ANKS1B: variants seen among roughly 807,000 people sequenced by gnomAD.
ANKS1B encodes the protein ankyrin repeat and sterile alpha motif domain containing 1B.
In ANKS1B, 36 loss-of-function variants were observed where a neutral mutation model predicts 148.3. That is an observed-to-expected ratio of 0.24 (90% CI 0.19 to 0.32). The LOEUF is 0.32. Ranked by LOEUF, ANKS1B falls within the 10% of genes least tolerant of loss-of-function variation. The pLI, the probability that ANKS1B is intolerant of heterozygous loss-of-function variation, is 1.00. For synonymous variants in ANKS1B, 542 were observed against 560.8 expected (o/e 0.97, Z 0.47); for missense variants, 1,157 against 1,542.6 (o/e 0.75, Z 4.19).
At chr12:99,037,499 C>CAA (rs60767962) in intron 17 of ANKS1B, among the ~76,000 whole-genome samples, 4,922 of 130,432 alleles carry the variant, frequency 0.038, 283 homozygotes, top group African/African-American at 0.13. Context: ...AGCTCTGTCT[C>CAA]AAAAAAAAAA....
chr12:99,039,342 C>A (rs1340317590), intron 17 of ANKS1B, among the ~76,000 whole-genome samples: 2 of 152,224 alleles, frequency 1.3e-5, no homozygotes. Context: ...TTGCCTCCCA[C>A]GTCTTCCTCT....
intron 1 of ANKS1B, among the ~76,000 whole-genome samples, chr12:99,896,303 C>CA (rs1603444627): frequency 6.6e-6 from 1 of 151,276 alleles, no homozygotes; most frequent in East Asian, 1.9e-4. Context: ...CTTGAAGTTT[C>CA]ATTTCGTTTT....
chr12:99,301,453 T>C (rs1423389422), intron 12 of ANKS1B, among the ~76,000 whole-genome samples: 1 of 152,186 alleles, frequency 6.6e-6, no homozygotes, highest in Non-Finnish European at 1.5e-5. Context: ...CAAAGAGCTG[T>C]TGAACAGATA....
chr12:99,431,838 G>C (rs760467392), intron 11 of ANKS1B, among the ~76,000 whole-genome samples: 4 of 152,142 alleles, frequency 2.6e-5, no homozygotes, highest in Non-Finnish European at 4.4e-5. Flanking sequence ...ATATGGCTTA[G>C]TTTGTCCCCA....
intron 8 of ANKS1B, among the ~76,000 whole-genome samples, chr12:99,697,018 A>C (rs1435606556): frequency 2.0e-5 from 3 of 152,226 alleles, no homozygotes; most frequent in Non-Finnish European, 4.4e-5. Flanking sequence ...GCAAACTAAA[A>C]CAACAATGAC....
chr12:99,461,068 A>ATATATATATATATATATC (rs1567144684), intron 10 of ANKS1B, among the ~76,000 whole-genome samples: 9 of 141,170 alleles, frequency 6.4e-5, no homozygotes, highest in African/African-American at 2.9e-4. Context: ...ATATATATAC[A>ATATATATATATATATATC]CATACACACA....
intron 16 of ANKS1B, among the ~76,000 whole-genome samples, chr12:99,069,240 G>C (rs1488701191): frequency 6.6e-6 from 1 of 152,154 alleles, no homozygotes; most frequent in Non-Finnish European, 1.5e-5. Context: ...CGGGACACAA[G>C]GTAATTGTTA....
At chr12:99,862,749 T>C (rs2090198024) in intron 1 of ANKS1B, among the ~76,000 whole-genome samples, 1 of 152,192 alleles carries the variant, frequency 6.6e-6, no homozygotes, top group African/African-American at 2.4e-5. Context: ...TATAATCCAT[T>C]CTATTTTTCT....
chr12:99,559,483 G>C (rs1236715815), intron 9 of ANKS1B, among the ~76,000 whole-genome samples: 2 of 152,140 alleles, frequency 1.3e-5, no homozygotes, highest in Non-Finnish European at 2.9e-5. Flanking sequence ...CAAATAATTT[G>C]TTAAGATGAT....
intron 14 of ANKS1B, among the ~76,000 whole-genome samples, chr12:99,236,227 T>C (rs2087891568): frequency 6.6e-6 from 1 of 152,236 alleles, no homozygotes; most frequent in Non-Finnish European, 1.5e-5. Context: ...TTTCTAGATA[T>C]AGGATCATGC....
intron 8 of ANKS1B, among the ~76,000 whole-genome samples, chr12:99,675,206 A>C (rs1229560388): frequency 6.6e-6 from 1 of 152,026 alleles, no homozygotes; most frequent in African/African-American, 2.4e-5. Context: ...TCTCTTTCAG[A>C]AATTCCACTT....
intron 12 of ANKS1B, among the ~76,000 whole-genome samples, chr12:99,357,096 T>C (rs955366193): frequency 1.3e-5 from 2 of 152,064 alleles, no homozygotes; most frequent in Non-Finnish European, 2.9e-5. Context: ...TATTTATGTA[T>C]ATATAAATAT....
chr12:99,499,126 T>C (rs1421016781), intron 10 of ANKS1B, among the ~76,000 whole-genome samples: 3 of 152,220 alleles, frequency 2.0e-5, no homozygotes, highest in African/African-American at 7.2e-5. Flanking sequence ...GGGGCAATTC[T>C]GTGGGGCTGA....
chr12:99,732,018 T>A (rs1236458497), intron 8 of ANKS1B, among the ~76,000 whole-genome samples: 2 of 152,150 alleles, frequency 1.3e-5, no homozygotes, highest in Non-Finnish European at 2.9e-5. Context: ...AGATACTTCA[T>A]CAAAGAAGAT....
chr12:98,781,597 G>T, intron 23 of ANKS1B: 1 of 366,396 alleles, frequency 2.7e-6, no homozygotes, highest in South Asian at 2.1e-5. Flanking sequence ...TAACTCCAAG[G>T]GTGCATTTGA....
intron 17 of ANKS1B, among the ~76,000 whole-genome samples, chr12:99,050,690 CTTTTTTTTTTTTT>C (rs62812561): frequency 1.8e-5 from 2 of 113,560 alleles, no homozygotes; most frequent in Middle Eastern, 4.8e-3. Context: ...TTTTCTTTTT[CTTTTTTTTTTTTT>C]TTTTTTGAGA....
At chr12:98,784,175 T>G (rs896410557) in intron 22 of ANKS1B, among the ~76,000 whole-genome samples, 4 of 152,168 alleles carry the variant, frequency 2.6e-5, no homozygotes, top group Non-Finnish European at 5.9e-5. Flanking sequence ...GGTGGAGATA[T>G]CCAGTAGGAA....
chr12:99,604,381 C>T (rs962284885), intron 9 of ANKS1B, among the ~76,000 whole-genome samples: 18 of 152,088 alleles, frequency 1.2e-4, no homozygotes, highest in African/African-American at 4.1e-4. Flanking sequence ...TTGAGGCCAA[C>T]TGGAAAATCT....
rs539311619 is a variant in ANKS1B, at chr12:99,644,465, C to G, written c.1272+10602G>C. On this transcript the variant is annotated intron_variant, in intron 9 of 26. Transcript: ENST00000683438. Reference sequence around the variant, plus strand: ...CAATTAGGTAATCTCTAAGAAAATACAGGTTTTCTCTACCATATCACTTCT... The same window carrying G: ...CAATTAGGTAATCTCTAAGAAAATAGAGGTTTTCTCTACCATATCACTTCT... Among the ~76,000 whole-genome samples, 3 of 152,238 alleles carry G rather than the reference C, an allele frequency of 2.0e-5. No individual in the cohort carries two copies. The East Asian group carries it at 5.8e-4, about 29-fold the overall frequency.
Sources: gnomAD v4.1 joint callset for allele counts (sites outside exome capture counted in the v4.1 genomes callset) on GRCh38, gnomAD v4.1.1 for gene constraint, MANE v1.5 for transcripts, NCBI Gene and HGNC (gene_info 2026-07-23, HGNC 2026-07-21) for gene names.